XRN1: variants seen among roughly 807,000 people sequenced by gnomAD.
The protein encoded by XRN1 is 5'-3' exoribonuclease 1, also known as strand-exchange protein 1 homolog.
Under a neutral mutation model 222.3 loss-of-function variants are expected in XRN1, and 67 were observed. That is an observed-to-expected ratio of 0.30 (90% CI 0.25 to 0.37). XRN1 has a LOEUF of 0.37. Among genes scored for constraint, XRN1 ranks in the 10% least tolerant of loss-of-function variants. The pLI, the probability that XRN1 is intolerant of heterozygous loss-of-function variation, is 1.00. For missense variants in XRN1, 1,707 were observed against 2,000.2 expected, an observed-to-expected ratio of 0.85 and a Z score of 2.80; for synonymous variants, 643 against 652.4, an observed-to-expected ratio of 0.99 and a Z score of 0.22.
chr3:142,375,944 G>A lies in XRN1; in HGVS notation c.2832C>T (p.Asn944=), dbSNP rs1178140493. The stretch of plus-strand genomic sequence containing the variant: ...CATTTGCTTTATGGTCTCCATGAGG[G>A]CTGAATTTAAACCACACATGCGCAC... ...SIFIGRGSRR[N]PHGDHKANVG... Residue 944 remains asparagine, a splice_region_variant and synonymous_variant, in exon 25 of 41, where the codon AAC becomes AAT. Transcript: ENST00000392981. 6.2e-7 allele frequency: 1 copy of A among 1,610,660 alleles called. No individual in the cohort carries two copies. The highest frequency in any genetic ancestry group is 2.2e-5 in the East Asian group (1 of 44,802).
At chr3:142,358,139 C>T (rs2066514747) in intron 30 of XRN1, among the ~76,000 whole-genome samples, 1 of 152,308 alleles carries the variant, frequency 6.6e-6, no homozygotes, top group Non-Finnish European at 1.5e-5. Flanking sequence ...TGGAACCATT[C>T]TCAGTATAGC....
At chr3:142,437,254 G>T (rs1338970412) in intron 1 of XRN1, among the ~76,000 whole-genome samples, 1 of 152,134 alleles carries the variant, frequency 6.6e-6, no homozygotes, top group Non-Finnish European at 1.5e-5. Flanking sequence ...AGTCACTGAG[G>T]TATTTTTCTT....
chr3:142,404,093 A>G, intron 16 of XRN1, 104 bp from the exon 17 acceptor site: 13 of 1,000,870 alleles, frequency 1.3e-5, no homozygotes, highest in Non-Finnish European at 1.9e-5. Flanking sequence ...CCTTGCTTTT[A>G]AAGAAGAGAA....
intron 6 of XRN1, 61 bp downstream of exon 6, chr3:142,423,499 G>C: frequency 7.3e-7 from 1 of 1,371,100 alleles, no homozygotes; most frequent in Non-Finnish European, 1.0e-6. Context: ...ACATGTATCT[G>C]TTAAAGAATT....
rs546006657 is a variant in XRN1, at chr3:142,327,169, G to A, written c.4404+2265C>T. ...CCTCCTCAAGTTTTTGGAACAGTCTGAGTAGAACTCTTATTAGCTCTTCTT... is the reference window on the plus strand; with the variant it reads ...CCTCCTCAAGTTTTTGGAACAGTCTAAGTAGAACTCTTATTAGCTCTTCTT... On this transcript the variant is annotated intron_variant, in intron 37 of 40. Coordinates refer to ENST00000392981, the MANE Select transcript of XRN1 (RefSeq NM_001282857.2). Among the ~76,000 whole-genome samples the A allele has an allele frequency of 7.9e-5, 12 of 152,224 alleles. No homozygotes were observed. The South Asian group carries it at 2.5e-3, about 32-fold the overall frequency.
chr3:142,411,968 G>A (rs534436933), intron 15 of XRN1, among the ~76,000 whole-genome samples: 3 of 151,790 alleles, frequency 2.0e-5, no homozygotes, highest in Non-Finnish European at 4.4e-5. Context: ...GACTACAGGC[G>A]CCCGCCACCT....
In XRN1 at chr3:142,425,934, CAAT is replaced by C. The variant is rs199772346; in HGVS notation, c.407-399_407-397del. Among the ~76,000 whole-genome samples the C allele has an allele frequency of 5.1e-3, 763 of 151,056 alleles. 9 individuals carry two copies. The highest frequency in any genetic ancestry group is 0.018 in the African/African-American group (739 of 41,136). On this transcript the variant is annotated intron_variant, in intron 3 of 40. Coordinates refer to ENST00000392981, the MANE Select transcript of XRN1 (RefSeq NM_001282857.2). ...AGGCTTGCAGCTTAAATCAGATTGT[CAAT>C]AATAATAATAATATTACTACTGAAA...
At chr3:142,397,300 T>G in intron 20 of XRN1, 29 bp downstream of exon 20, 1 of 1,536,180 alleles carries the variant, frequency 6.5e-7, no homozygotes, top group South Asian at 1.3e-5. Context: ...TTTAGTTCCA[T>G]GATATTAAAT....
Position 142,447,172 on chromosome 3 carries a change from T to C in XRN1, c.75+698A>G, listed in dbSNP as rs1446841094. Among the ~76,000 whole-genome samples the C allele has an allele frequency of 6.6e-6, 1 of 152,086 alleles. No individual in the cohort carries two copies. Among genetic ancestry groups the C allele is most frequent in the Non-Finnish European group, 1.5e-5 (1 of 68,032 alleles). ...GGGGTCAGTACATGCCAAATATTATTAGTAGTATTAATGTTCTATCAATTC... is the reference window on the plus strand; with the variant it reads ...GGGGTCAGTACATGCCAAATATTATCAGTAGTATTAATGTTCTATCAATTC... On this transcript the variant is annotated intron_variant, in intron 1 of 40. Transcript: ENST00000392981. This position sits in a 1 kb window ranked among gnomAD's most constrained non-coding sequence, Gnocchi z 4.2.
chr3:142,329,577 G>A lies in XRN1; in HGVS notation c.4261C>T (p.His1421Tyr). The change falls in exon 37 of 41, where the codon CAT becomes TAT. Residue 1421 changes from histidine to tyrosine, a missense_variant. His to Tyr is a moderately conservative substitution (Grantham distance 83). This residue lies in a region of XRN1 where 473 missense variants were observed against 482.0 expected (regional missense o/e 0.98). Coordinates refer to ENST00000392981, the MANE Select transcript of XRN1 (RefSeq NM_001282857.2). ...MNKPHSANEY[H>Y]NVQSMDNMCW... is the part of the protein sequence containing the mutation. ...ATATTGTCCATAGACTGAACATTAT[G>A]GTACTCATTAGCACTGTGAGGCTTG... 1.3e-6 allele frequency: 2 copies of A among 1,572,772 alleles called. No individual in the cohort carries two copies. Among genetic ancestry groups the A allele is most frequent in the Non-Finnish European group, 1.7e-6 (2 of 1,164,508 alleles).
chr3:142,345,261 G>A (rs1006313485), intron 33 of XRN1, among the ~76,000 whole-genome samples: 2 of 152,130 alleles, frequency 1.3e-5, no homozygotes, highest in Non-Finnish European at 2.9e-5. Context: ...AGGGTGCCAA[G>A]ACTATTCAAT....
chr3:142,333,136 G>T, intron 34 of XRN1, 47 bp from the exon 35 acceptor site: 2 of 1,567,062 alleles, frequency 1.3e-6, no homozygotes, highest in Admixed American at 1.9e-5. Flanking sequence ...TATAATACAA[G>T]AACACACAAA....
At chr3:142,384,292 A>C (rs2067415831) in intron 21 of XRN1, among the ~76,000 whole-genome samples, 1 of 151,862 alleles carries the variant, frequency 6.6e-6, no homozygotes, top group Non-Finnish European at 1.5e-5. Flanking sequence ...AAAGAAAAAA[A>C]AAAAAGCATA....
rs188754478 is a variant in XRN1 at position 142,383,079 on chromosome 3, C to T, written c.2616+221G>A. Among the ~76,000 whole-genome samples the T allele has an allele frequency of 2.1e-3, 322 of 152,216 alleles. 4 individuals carry two copies. The highest frequency in any genetic ancestry group is 0.02 in the Admixed American group (305 of 15,294). ...AGAGATCAGGATTTGAACACACCAC[C>T]TCTTGATCCTAATCTGCTCAAGACT... On this transcript the variant is annotated intron_variant, in intron 22 of 40. Transcript: ENST00000392981.
At chr3:142,379,035 C>T (rs1001150629) in intron 23 of XRN1, among the ~76,000 whole-genome samples, 21 of 151,416 alleles carry the variant, frequency 1.4e-4, no homozygotes, top group Non-Finnish European at 2.5e-4. Context: ...TTTGGGAGGC[C>T]GAGGCAGGCA....
chr3:142,339,303 TC>T (rs1243653678), intron 33 of XRN1, among the ~76,000 whole-genome samples: 2 of 152,144 alleles, frequency 1.3e-5, no homozygotes, highest in South Asian at 4.2e-4. Flanking sequence ...TCTGGAGAAT[TC>T]TTTTGAATCT....
intron 15 of XRN1, among the ~76,000 whole-genome samples, chr3:142,409,660 A>G (rs1379999857): frequency 1.3e-5 from 2 of 152,196 alleles, no homozygotes; most frequent in Non-Finnish European, 2.9e-5. Context: ...CAATCTTATA[A>G]AAACTTTAGA....
chr3:142,441,901 C>T (rs1038774901), intron 1 of XRN1, among the ~76,000 whole-genome samples: 1 of 152,120 alleles, frequency 6.6e-6, no homozygotes, highest in Non-Finnish European at 1.5e-5. Context: ...ATACTGAATT[C>T]GCATACAATT....
chr3:142,433,611 A>T (rs975634301), intron 1 of XRN1, among the ~76,000 whole-genome samples: 2 of 152,190 alleles, frequency 1.3e-5, no homozygotes, highest in Non-Finnish European at 2.9e-5. Flanking sequence ...AACTAAAAAT[A>T]AAAAAAGTAA....
Sources: gnomAD v4.1 joint callset for allele counts (sites outside exome capture counted in the v4.1 genomes callset) on GRCh38, gnomAD v4.1.1 for gene constraint, gnomAD v4.1.1 regional missense constraint, Gnocchi (gnomAD v3.1) non-coding constraint, MANE v1.5 for transcripts, NCBI Gene and HGNC (gene_info 2026-07-23, HGNC 2026-07-21) for gene names.